The following NBEAL1 variants were observed in gnomAD, a reference collection of about 807,000 sequenced individuals.
NBEAL1 encodes the protein neurobeachin-like protein 1.
Under a neutral mutation model 351.3 loss-of-function variants are expected in NBEAL1, and 273 were observed. The ratio of observed to expected loss-of-function variants is 0.78; its 90% confidence interval spans 0.70 to 0.86. The LOEUF is 0.86. Among genes scored for constraint, NBEAL1 ranks in the 40% least tolerant of loss-of-function variants. The pLI is 0.00. For missense variants in NBEAL1, 2,961 were observed against 3,201.3 expected, an observed-to-expected ratio of 0.92 and a Z score of 1.81; for synonymous variants, 1,050 against 1,086.4, an observed-to-expected ratio of 0.97 and a Z score of 0.66.
rs185719701 is a variant in NBEAL1 at position 203,106,041 on chromosome 2, C to T, written c.1270-1379C>T. On this transcript the variant is annotated intron_variant, in intron 12 of 55. Coordinates refer to ENST00000683969, the MANE Select transcript of NBEAL1 (RefSeq NM_001378026.1). ...TTGTATGGCCATGGAAATTCTGCTT[C>T]TTGTATTCACTAACCCTTAGAGTTT... is the stretch of plus-strand genomic sequence containing the variant. Among the ~76,000 whole-genome samples the T allele has an allele frequency of 3.0e-3, 455 of 152,272 alleles. 2 individuals are homozygous for T. Among genetic ancestry groups the T allele is most frequent in the Non-Finnish European group, 4.4e-3 (300 of 68,020 alleles).
chr2:203,212,823 A>T lies in NBEAL1; in HGVS notation c.7935-695A>T, dbSNP rs575474083. On this transcript the variant is annotated intron_variant, in intron 54 of 55. Transcript: ENST00000683969. ...AGACAGGGAGGGCCTTCTTTTGGAG[A>T]TGGAGGTAGGCAATATGTGAGGAAA... 4.1e-4 allele frequency among the ~76,000 whole-genome samples: 63 copies of T among 152,182 alleles called. No homozygotes were observed. In the South Asian group the frequency reaches 0.012, roughly 30 times the overall value.
intron 12 of NBEAL1, among the ~76,000 whole-genome samples, chr2:203,103,940 A>G (rs962712642): frequency 6.6e-6 from 1 of 152,144 alleles, no homozygotes; most frequent in African/African-American, 2.4e-5. Context: ...CTTGATTTCT[A>G]TTTTTATTGT....
At chr2:203,039,036 C>T (rs1291615428) in intron 2 of NBEAL1, among the ~76,000 whole-genome samples, 2 of 148,204 alleles carry the variant, frequency 1.3e-5, no homozygotes, top group Non-Finnish European at 3.0e-5. Context: ...TGATTAATAC[C>T]AGTTATCTTT....
intron 24 of NBEAL1, 138 bp downstream of exon 24, chr2:203,128,075 A>G (rs941475167): frequency 8.1e-6 from 5 of 620,130 alleles, no homozygotes; most frequent in Admixed American, 6.9e-5. Context: ...TATGCACTTA[A>G]GAAGTAAATT....
intron 12 of NBEAL1, among the ~76,000 whole-genome samples, chr2:203,104,330 A>G (rs2062387813): frequency 6.6e-6 from 1 of 152,148 alleles, no homozygotes; most frequent in South Asian, 2.1e-4. Flanking sequence ...GTTGGTTTAA[A>G]GTCTGTTTTG....
intron 10 of NBEAL1, 43 bp downstream of exon 10, chr2:203,084,612 AT>A: frequency 1.6e-6 from 2 of 1,219,838 alleles, no homozygotes; most frequent in South Asian, 1.5e-5. Context: ...TTAAGAAGCT[AT>A]TTTTTGTTTT....
intron 49 of NBEAL1, 136 bp downstream of exon 49, chr2:203,199,583 G>A (rs907629189): frequency 4.4e-5 from 23 of 521,138 alleles, no homozygotes; most frequent in African/African-American, 8.1e-5. Flanking sequence ...CTTGCTCTGC[G>A]GTGCAGTGGC....
intron 4 of NBEAL1, among the ~76,000 whole-genome samples, chr2:203,056,216 CATT>C (rs1218425628): frequency 1.3e-5 from 2 of 152,066 alleles, no homozygotes; most frequent in African/African-American, 4.8e-5. Context: ...ACTTTTTAAA[CATT>C]ATCTGTTTAT....
At chr2:203,098,055 A>G (rs916812116) in intron 11 of NBEAL1, among the ~76,000 whole-genome samples, 4 of 152,172 alleles carry the variant, frequency 2.6e-5, no homozygotes, top group Non-Finnish European at 4.4e-5. Flanking sequence ...TTATAATTCA[A>G]TGGACAACCT....
intron 10 of NBEAL1, among the ~76,000 whole-genome samples, chr2:203,096,714 G>A (rs2106202129): frequency 6.6e-6 from 1 of 152,268 alleles, no homozygotes; most frequent in South Asian, 2.1e-4. Context: ...TTAACAAAAT[G>A]TGTGGTCAGA....
chr2:203,030,043 C>G (rs1010575248), intron 2 of NBEAL1, among the ~76,000 whole-genome samples: 3 of 152,082 alleles, frequency 2.0e-5, no homozygotes, highest in Non-Finnish European at 2.9e-5. Flanking sequence ...TAGCATCGAT[C>G]AAGGTTTTAA....
chr2:203,221,500 A>T lies in NBEAL1; in HGVS notation c.*4146A>T, dbSNP rs931621827. On this transcript the variant is annotated 3_prime_UTR_variant, in exon 56 of 56. Coordinates refer to ENST00000683969, the MANE Select transcript of NBEAL1 (RefSeq NM_001378026.1). ...AGGTTCTTGAACCTATCTTTAGGAT[A>T]CAGTTTTTGACTGGGATATAAGAAA... 2.6e-5 allele frequency among the ~76,000 whole-genome samples: 4 copies of T among 152,114 alleles called. No homozygotes were observed. The highest frequency in any genetic ancestry group is 9.7e-5 in the African/African-American group (4 of 41,422).
At chr2:203,088,814 G>GA (rs1435696104) in intron 10 of NBEAL1, among the ~76,000 whole-genome samples, 1 of 152,188 alleles carries the variant, frequency 6.6e-6, no homozygotes, top group Non-Finnish European at 1.5e-5. Flanking sequence ...ATCACATCAA[G>GA]AAAAGGTCTT....
At chr2:203,210,897 C>T in intron 53 of NBEAL1, 61 bp from the exon 54 acceptor site, 1 of 975,596 alleles carries the variant, frequency 1.0e-6, no homozygotes, top group Non-Finnish European at 1.5e-6. Flanking sequence ...AGAGTTTTAA[C>T]TGGTTATATA....
At chr2:203,113,554 TATC>T (rs2062620389) in intron 17 of NBEAL1, among the ~76,000 whole-genome samples, 1 of 152,134 alleles carries the variant, frequency 6.6e-6, no homozygotes, top group Admixed American at 6.5e-5. Flanking sequence ...ATATTTCAGT[TATC>T]ATCCATAATA....
intron 10 of NBEAL1, among the ~76,000 whole-genome samples, chr2:203,088,768 T>G (rs78817800): frequency 0.035 from 5,346 of 152,232 alleles, 302 homozygotes; most frequent in African/African-American, 0.12. Flanking sequence ...GTTTGATCCA[T>G]CCAAAATACA....
At chr2:203,176,728 T>C (rs1295955040) in intron 42 of NBEAL1, among the ~76,000 whole-genome samples, 1 of 71,706 alleles carries the variant, frequency 1.4e-5, no homozygotes. Context: ...TGAAACTGTC[T>C]CAAAAAAAAA....
chr2:203,204,217 G>A (rs866958268), intron 51 of NBEAL1, among the ~76,000 whole-genome samples: 11 of 143,712 alleles, frequency 7.7e-5, no homozygotes, highest in South Asian at 5.0e-4. Context: ...GTGAGCCACC[G>A]CACCCGGCCC....
chr2:203,151,096 C>G (rs190243046), intron 34 of NBEAL1, among the ~76,000 whole-genome samples: 4 of 152,270 alleles, frequency 2.6e-5, no homozygotes, highest in African/African-American at 9.6e-5. Flanking sequence ...CTTTGGGAGG[C>G]CAAGGCGGGA....
Sources: allele counts gnomAD v4.1 joint callset (sites outside exome capture counted in the v4.1 genomes callset), GRCh38; gene constraint gnomAD v4.1.1; transcripts MANE v1.5; gene names NCBI Gene and HGNC (gene_info 2026-07-23, HGNC 2026-07-21).